Variants in DNAH8 observed in about 807,000 individuals in gnomAD.
The protein encoded by DNAH8 is dynein axonemal heavy chain 8, also known as axonemal beta dynein heavy chain 8.
DNAH8 carries 382 observed loss-of-function variants against 562.1 expected under a neutral mutation model. That is an observed-to-expected ratio of 0.68 (90% CI 0.63 to 0.74). The LOEUF (loss-of-function observed/expected upper bound fraction) is 0.74, where lower values mean the gene tolerates loss of function less well. Among genes scored for constraint, DNAH8 ranks in the 30% least tolerant of loss-of-function variants. The probability of loss-of-function intolerance (pLI) is 0.00; values close to 1 mark genes in which losing one functional copy is unlikely to be tolerated. For missense variants in DNAH8, 5,203 were observed against 5,620.4 expected, an observed-to-expected ratio of 0.93 and a Z score of 2.37; for synonymous variants, 1,881 against 1,919.4, an observed-to-expected ratio of 0.98 and a Z score of 0.52.
chr6:39,007,947 C>CCACA (rs67673406), intron 88 of DNAH8, among the ~76,000 whole-genome samples: 19,592 of 119,940 alleles, frequency 0.16, 1,811 homozygotes, highest in Admixed American at 0.23. Flanking sequence ...CCCCACCCAC[C>CCACA]CACACACACA....
At chr6:38,912,150 C>G (rs116396234) in intron 66 of DNAH8, among the ~76,000 whole-genome samples, 1,809 of 152,228 alleles carry the variant, frequency 0.012, 26 homozygotes, top group South Asian at 0.04. Flanking sequence ...CACCTTAGTT[C>G]TTATTTTTCA....
intron 21 of DNAH8, among the ~76,000 whole-genome samples, chr6:38,792,753 T>C (rs1769874722): frequency 6.6e-6 from 1 of 152,164 alleles, no homozygotes; most frequent in Non-Finnish European, 1.5e-5. Context: ...TCTTATAAAT[T>C]CAAGACATAC....
intron 9 of DNAH8, among the ~76,000 whole-genome samples, chr6:38,751,845 A>G (rs16890986): frequency 0.015 from 2,290 of 152,274 alleles, 45 homozygotes; most frequent in South Asian, 0.11. Context: ...CCTGGATATT[A>G]CTTCTTTTGT....
intron 24 of DNAH8, among the ~76,000 whole-genome samples, chr6:38,810,317 C>T (rs1771678667): frequency 3.3e-5 from 5 of 152,144 alleles, no homozygotes; most frequent in Admixed American, 3.3e-4. Context: ...ACTGGCCAGG[C>T]GCAGTGGCTC....
chr6:38,894,732 A>G lies in DNAH8; in HGVS notation c.8615A>G (p.His2872Arg), dbSNP rs770831033. The G allele has an allele frequency of 6.2e-7, 1 of 1,613,880 alleles. No homozygotes were observed. Among genetic ancestry groups the G allele is most frequent in the African/African-American group, 1.3e-5 (1 of 74,900 alleles). Reference sequence around the variant, plus strand: ...ATGCTGCCAACTCCTTCTAAATTTCATTACATCTTCAATCTTCGAGATCTT... The same window carrying G: ...ATGCTGCCAACTCCTTCTAAATTTCGTTACATCTTCAATCTTCGAGATCTT... ...VKMLPTPSKF[H>R]YIFNLRDLSR... The change falls in exon 59 of 93, where the codon CAT (histidine) becomes CGT (arginine). Residue 2872 changes from histidine to arginine, a missense_variant. Physicochemically the swap from His to Arg is conservative, Grantham distance 29. This residue lies in a region of DNAH8 where 977 missense variants were observed against 1,061.8 expected (regional missense o/e 0.92). Coordinates refer to ENST00000327475, the MANE Select transcript of DNAH8 (RefSeq NM_001206927.2).
At chr6:38,860,941 A>C (rs553695689) in intron 43 of DNAH8, among the ~76,000 whole-genome samples, 5 of 152,328 alleles carry the variant, frequency 3.3e-5, no homozygotes, top group South Asian at 2.1e-4. Context: ...CAAAGAAGGA[A>C]GGTCCCTTGG....
intron 8 of DNAH8, among the ~76,000 whole-genome samples, chr6:38,747,608 A>C (rs543618702): frequency 1.3e-5 from 2 of 152,180 alleles, no homozygotes; most frequent in East Asian, 3.9e-4. Flanking sequence ...GCTGGTCTTG[A>C]ACTCCTGACC....
intron 88 of DNAH8, 35 bp downstream of exon 88, chr6:38,990,207 A>G (rs1350137270): frequency 6.9e-7 from 1 of 1,448,622 alleles, no homozygotes; most frequent in Non-Finnish European, 9.5e-7. Flanking sequence ...TGAAGGGGTC[A>G]TTTGTAACTC....
intron 62 of DNAH8, 40 bp from the exon 63 acceptor site, chr6:38,906,214 T>C (rs1780467761): frequency 7.1e-7 from 1 of 1,417,634 alleles, no homozygotes; most frequent in Non-Finnish European, 9.7e-7. Context: ...GCCGACTATA[T>C]ATTTTTTAAT....
intron 18 of DNAH8, among the ~76,000 whole-genome samples, chr6:38,788,915 A>C (rs1769437327): frequency 6.6e-6 from 1 of 152,184 alleles, no homozygotes. Flanking sequence ...TCTTACCAAA[A>C]TAGTATTTAA....
intron 43 of DNAH8, among the ~76,000 whole-genome samples, chr6:38,861,610 T>C (rs1186058808): frequency 6.6e-6 from 1 of 152,314 alleles, no homozygotes; most frequent in Non-Finnish European, 1.5e-5. Context: ...CAGGCTGGAG[T>C]GCAGTGGCGC....
chr6:38,770,073 A>G (rs1194291310), intron 11 of DNAH8, among the ~76,000 whole-genome samples: 1 of 152,222 alleles, frequency 6.6e-6, no homozygotes, highest in Non-Finnish European at 1.5e-5. Flanking sequence ...TTCATATTTT[A>G]TATACCTGCG....
At chr6:38,925,972 A>G in intron 73 of DNAH8, 83 bp from the exon 74 acceptor site, 3 of 1,255,608 alleles carry the variant, frequency 2.4e-6, no homozygotes, top group Non-Finnish European at 3.2e-6. Flanking sequence ...ATTTTAAATT[A>G]TTTTACTTTA....
In DNAH8 at chr6:38,862,289, C is replaced by T. The variant is rs771728655; in HGVS notation, c.6141C>T (p.Ile2047=). Reference sequence around the variant, plus strand: ...GGATGAACATTTGCAGATGCTATATCACGTTAGCTCAGGCCTTGGGCATGA... The same window carrying T: ...GGATGAACATTTGCAGATGCTATATTACGTTAGCTCAGGCCTTGGGCATGA... ...VITPLTDRCY[I]TLAQALGMNM... The change falls in exon 44 of 93, where the codon ATC becomes ATT. Residue 2047 remains isoleucine, a synonymous_variant. Coordinates refer to ENST00000327475, the MANE Select transcript of DNAH8 (RefSeq NM_001206927.2). 6 of 1,612,192 alleles carry T rather than the reference C, an allele frequency of 3.7e-6. No homozygotes were observed. The Admixed American group carries it at 8.4e-5, about 23-fold the overall frequency.
intron 13 of DNAH8, among the ~76,000 whole-genome samples, chr6:38,777,190 T>C (rs559116066): frequency 5.9e-5 from 9 of 152,278 alleles, no homozygotes; most frequent in African/African-American, 1.9e-4. Context: ...TTACTTTTAG[T>C]GTTTGGCTGG....
intron 21 of DNAH8, among the ~76,000 whole-genome samples, chr6:38,802,930 A>C (rs753965766): frequency 6.6e-6 from 1 of 152,174 alleles, no homozygotes; most frequent in Non-Finnish European, 1.5e-5. Flanking sequence ...GTAGATTTCT[A>C]TGTGTGATTG....
intron 56 of DNAH8, among the ~76,000 whole-genome samples, chr6:38,886,046 G>A (rs1227747219): frequency 6.6e-6 from 1 of 152,200 alleles, no homozygotes. Flanking sequence ...ATGCTCAATA[G>A]AGACTTGAAT....
chr6:38,932,417 T>C (rs1192569793), intron 76 of DNAH8, among the ~76,000 whole-genome samples: 1 of 152,174 alleles, frequency 6.6e-6, no homozygotes, highest in Non-Finnish European at 1.5e-5. Flanking sequence ...GCCATACCTT[T>C]ATTTTTAATT....
chr6:39,007,291 G>A (rs76672918), intron 88 of DNAH8, among the ~76,000 whole-genome samples: 14,726 of 152,074 alleles, frequency 0.097, 855 homozygotes, highest in Admixed American at 0.19. Flanking sequence ...ATAATATTTA[G>A]ATGTATATAT....
Sources: allele counts gnomAD v4.1 joint callset (sites outside exome capture counted in the v4.1 genomes callset), GRCh38; gene constraint gnomAD v4.1.1; regional missense constraint gnomAD v4.1.1; transcripts MANE v1.5; gene names NCBI Gene and HGNC (gene_info 2026-07-23, HGNC 2026-07-21).